The following ACBD6 variants were observed in gnomAD, a reference collection of about 807,000 sequenced individuals.
The protein encoded by ACBD6 is acyl-CoA-binding domain-containing protein 6.
In ACBD6, 28 loss-of-function variants were observed where a neutral mutation model predicts 37.2. That is an observed-to-expected ratio of 0.75 (90% CI 0.56 to 1.03). The LOEUF (loss-of-function observed/expected upper bound fraction) is 1.03. ACBD6 is among the 50% of genes least tolerant of loss of function. The pLI is 0.00. For missense variants in ACBD6, 340 were observed against 337.4 expected (o/e 1.01, Z -0.06); for synonymous variants, 113 against 126.8 (o/e 0.89, Z 0.73).
intron 6 of ACBD6, among the ~76,000 whole-genome samples, chr1:180,320,776 C>T (rs965007565): frequency 1.3e-5 from 2 of 152,094 alleles, no homozygotes; most frequent in Admixed American, 1.3e-4. Context: ...GTTTCCTTTG[C>T]TGTGCAGAAG....
At chr1:180,369,767 A>G (rs1653185215) in intron 6 of ACBD6, among the ~76,000 whole-genome samples, 1 of 152,210 alleles carries the variant, frequency 6.6e-6, no homozygotes. Context: ...TTCATCTAAG[A>G]GTACATCAAA....
In ACBD6 at chr1:180,502,215, C is replaced by T. The variant is rs1264465384; in HGVS notation, c.52G>A (p.Glu18Lys). The change falls in exon 1 of 8, where the codon GAG (glutamate) becomes AAG (lysine). Residue 18 changes from glutamate to lysine, a missense_variant. Coordinates refer to ENST00000367595, the MANE Select transcript of ACBD6 (RefSeq NM_032360.4). ...AGAITGDSGGELSSGDDSGEV... is the reference protein window; with the variant it reads ...AGAITGDSGGKLSSGDDSGEV... ...CCGGAGTCGTCCCCTGAGCTCAGCT[C>T]TCCACCGCTGTCGCCGGTGATGGCC... 1.2e-6 allele frequency: 2 copies of T among 1,613,966 alleles called. No individual in the cohort carries two copies. The highest frequency in any genetic ancestry group is 2.2e-5 in the East Asian group (1 of 44,876).
intron 8 of ACBD6, among the ~76,000 whole-genome samples, chr1:180,282,515 C>G (rs2149273975): frequency 6.6e-6 from 1 of 152,232 alleles, no homozygotes; most frequent in Non-Finnish European, 1.5e-5. Flanking sequence ...TTTTAGTCAC[C>G]TGGGACTAGT....
At chr1:180,272,130 C>T (rs1339894632) in intron 13 of ACBD6, 1 of 832,172 alleles carries the variant, frequency 1.2e-6, no homozygotes, top group Non-Finnish European at 1.8e-6. Flanking sequence ...ACAGGCTTTT[C>T]CTTAAGACTT....
intron 5 of ACBD6, among the ~76,000 whole-genome samples, chr1:180,404,215 T>G (rs1326486951): frequency 6.6e-6 from 1 of 152,042 alleles, no homozygotes; most frequent in Non-Finnish European, 1.5e-5. Context: ...CCTCCCAAAG[T>G]GCTGAGATTA....
intron 1 of ACBD6, 46 bp downstream of exon 1, chr1:180,501,999 G>T (rs1385448536): frequency 6.3e-7 from 1 of 1,583,460 alleles, no homozygotes; most frequent in African/African-American, 1.3e-5. Flanking sequence ...TGAGGAAGAA[G>T]GCTCCGTGTC....
At chr1:180,416,223 C>T (rs568902835) in intron 4 of ACBD6, among the ~76,000 whole-genome samples, 6 of 152,218 alleles carry the variant, frequency 3.9e-5, no homozygotes, top group African/African-American at 1.4e-4. Flanking sequence ...AATGAAGAAA[C>T]ATCTACAGCA....
At chr1:180,491,865 A>G (rs1031021102) in intron 3 of ACBD6, among the ~76,000 whole-genome samples, 4 of 152,162 alleles carry the variant, frequency 2.6e-5, no homozygotes, top group African/African-American at 7.2e-5. Context: ...GCTGGAGTGC[A>G]GTGGCCTGAT....
At chr1:180,282,235 T>G (rs1449668990) in intron 8 of ACBD6, among the ~76,000 whole-genome samples, 1 of 152,186 alleles carries the variant, frequency 6.6e-6, no homozygotes, top group East Asian at 1.9e-4. Context: ...TTTAAAAAAA[T>G]TAATGATTTA....
intron 8 of ACBD6, among the ~76,000 whole-genome samples, chr1:180,282,311 G>A (rs940085129): frequency 1.3e-5 from 2 of 152,120 alleles, no homozygotes; most frequent in African/African-American, 4.8e-5. Context: ...GGGGATTTGG[G>A]AAAGGCTGGG....
At chr1:180,334,235 C>T (rs189374945) in intron 6 of ACBD6, among the ~76,000 whole-genome samples, 16 of 152,294 alleles carry the variant, frequency 1.1e-4, no homozygotes, top group Non-Finnish European at 2.1e-4. Context: ...GGTCCCTGAC[C>T]CTCGAGTAGC....
At chr1:180,424,638 C>T (rs922224985) in intron 4 of ACBD6, among the ~76,000 whole-genome samples, 4 of 152,024 alleles carry the variant, frequency 2.6e-5, no homozygotes, top group African/African-American at 9.7e-5. Flanking sequence ...TACATACACA[C>T]ACCAAATTTT....
intron 4 of ACBD6, among the ~76,000 whole-genome samples, chr1:180,417,122 C>G (rs907851283): frequency 3.3e-5 from 5 of 152,040 alleles, no homozygotes; most frequent in African/African-American, 9.7e-5. Flanking sequence ...AATTTGTGGG[C>G]TCTAGGGTAC....
chr1:180,497,412 G>C (rs949572480), intron 1 of ACBD6, among the ~76,000 whole-genome samples: 8 of 152,156 alleles, frequency 5.3e-5, no homozygotes, highest in African/African-American at 1.9e-4. Flanking sequence ...ATATACATGT[G>C]GTGATGGTAA....
intron 6 of ACBD6, among the ~76,000 whole-genome samples, chr1:180,358,072 T>TA: frequency 6.6e-6 from 1 of 152,338 alleles, no homozygotes; most frequent in African/African-American, 2.4e-5. Flanking sequence ...ATGTTGTTTT[T>TA]AACAAAGAGG....
intron 7 of ACBD6, among the ~76,000 whole-genome samples, chr1:180,299,862 A>G (rs1257537661): frequency 6.6e-6 from 1 of 152,188 alleles, no homozygotes; most frequent in Admixed American, 6.5e-5. Context: ...GACCATGTTT[A>G]ATCATGAAGT....
chr1:180,345,110 T>C (rs1165049066), intron 6 of ACBD6, among the ~76,000 whole-genome samples: 1 of 152,218 alleles, frequency 6.6e-6, no homozygotes, highest in African/African-American at 2.4e-5. Flanking sequence ...CGAGCTGGTC[T>C]AGCATTCAAA....
intron 9 of ACBD6, among the ~76,000 whole-genome samples, chr1:180,279,552 C>G (rs1335592007): frequency 6.6e-6 from 1 of 152,190 alleles, no homozygotes; most frequent in Non-Finnish European, 1.5e-5. Flanking sequence ...CCCACCTGGG[C>G]CTCCCAAAGT....
Position 180,342,585 on chromosome 1 carries a change from CTT to C in ACBD6, c.664-27865_664-27864del, listed in dbSNP as rs1274028174. On this transcript the variant is annotated intron_variant, in intron 6 of 7. Transcript: ENST00000367595. ...GCTTTAAATTATTATTAATAATTAT[CTT>C]AAGTCTACTATAATACACTTACTAT... is the stretch of plus-strand genomic sequence containing the variant. Among the ~76,000 whole-genome samples, 4 of 151,008 alleles carry C rather than the reference CTT, an allele frequency of 2.6e-5. No homozygotes were observed. In the Admixed American group the frequency reaches 2.7e-4, roughly 10 times the overall value.
Sources: gnomAD v4.1 joint callset for allele counts (sites outside exome capture counted in the v4.1 genomes callset) on GRCh38, gnomAD v4.1.1 for gene constraint, MANE v1.5 for transcripts, NCBI Gene and HGNC (gene_info 2026-07-23, HGNC 2026-07-21) for gene names.